The following AKAP9 variants were observed in gnomAD, a reference collection of about 807,000 sequenced individuals.
AKAP9 encodes A-kinase anchoring protein 9, also known as A-kinase anchor protein 9.
A neutral mutation model predicts 488.5 loss-of-function variants in AKAP9; 311 were observed. The ratio of observed to expected loss-of-function variants is 0.64; its 90% confidence interval spans 0.58 to 0.70. AKAP9 has a LOEUF of 0.70. AKAP9 is among the 30% of genes least tolerant of loss of function. The pLI is 0.00. For missense variants in AKAP9, 4,215 were observed against 4,374.5 expected (o/e 0.96, Z 1.03); for synonymous variants, 1,462 against 1,483.5 (o/e 0.99, Z 0.33).
intron 40 of AKAP9, among the ~76,000 whole-genome samples, chr7:92,096,453 G>C (rs1816597077): frequency 6.6e-6 from 1 of 151,264 alleles, no homozygotes; most frequent in Non-Finnish European, 1.5e-5. Context: ...GCCTGCCTCA[G>C]CCTCCCAAGT....
At chr7:91,990,786 C>A (rs1797654027) in intron 3 of AKAP9, among the ~76,000 whole-genome samples, 1 of 152,144 alleles carries the variant, frequency 6.6e-6, no homozygotes. Flanking sequence ...TGCTTTGTAT[C>A]ATATTTGAAG....
intron 1 of AKAP9, among the ~76,000 whole-genome samples, chr7:91,954,248 C>A (rs1226986400): frequency 6.6e-6 from 1 of 152,178 alleles, no homozygotes; most frequent in Non-Finnish European, 1.5e-5. Flanking sequence ...GTCTCCAAAT[C>A]TGTTCTATCC....
intron 3 of AKAP9, among the ~76,000 whole-genome samples, chr7:91,989,082 C>T (rs1797458921): frequency 6.6e-6 from 1 of 152,080 alleles, no homozygotes; most frequent in Non-Finnish European, 1.5e-5. Context: ...TTGCTCATCA[C>T]TAGAAATACA....
At chr7:91,943,579 G>A (rs562826717) in intron 1 of AKAP9, among the ~76,000 whole-genome samples, 4 of 152,228 alleles carry the variant, frequency 2.6e-5, no homozygotes, top group African/African-American at 9.6e-5. Flanking sequence ...GGATTTGGGG[G>A]ATATTCTTCC....
chr7:92,008,647 C>T (rs747621856), intron 8 of AKAP9, among the ~76,000 whole-genome samples: 1 of 151,722 alleles, frequency 6.6e-6, no homozygotes, highest in African/African-American at 2.4e-5. Flanking sequence ...AAGATCGCAT[C>T]ACTGCACTCC....
chr7:92,066,683 T>A, intron 26 of AKAP9, 137 bp downstream of exon 26: 1 of 1,126,860 alleles, frequency 8.9e-7, no homozygotes. Context: ...TAATATTACT[T>A]AAGCATGAGA....
chr7:92,019,566 G>T (rs1184626524), intron 12 of AKAP9, among the ~76,000 whole-genome samples: 1 of 151,774 alleles, frequency 6.6e-6, no homozygotes, highest in Non-Finnish European at 1.5e-5. Context: ...GAAGTCACTA[G>T]ACTGAAGAAA....
intron 7 of AKAP9, 25 bp from the exon 8 acceptor site, chr7:92,000,823 T>TA: frequency 8.1e-7 from 1 of 1,236,152 alleles, no homozygotes; most frequent in Non-Finnish European, 1.1e-6. Flanking sequence ...ATGCCATTCT[T>TA]ACATTTTCAT....
At chr7:91,992,128 A>G in intron 3 of AKAP9, 30 bp from the exon 4 acceptor site, 6 of 1,539,694 alleles carry the variant, frequency 3.9e-6, no homozygotes, top group African/African-American at 1.4e-5. Flanking sequence ...GTCTAAGATC[A>G]TAATATATCA....
intron 3 of AKAP9, among the ~76,000 whole-genome samples, chr7:91,990,364 A>T (rs1797604604): frequency 6.6e-6 from 1 of 152,116 alleles, no homozygotes; most frequent in South Asian, 2.1e-4. Context: ...ACTATTAATG[A>T]TCCTGATATT....
At chr7:92,043,201 T>C in intron 20 of AKAP9, 1 of 272,938 alleles carries the variant, frequency 3.7e-6, no homozygotes, top group Non-Finnish European at 5.7e-6. Context: ...AAATTAAAAC[T>C]AATATTTACT....
In AKAP9 at chr7:92,061,338, A is replaced by G. The variant is rs137971303; in HGVS notation, c.5680A>G (p.Lys1894Glu). The G allele has an allele frequency of 5.5e-5, 88 of 1,613,098 alleles. No individual in the cohort carries two copies. Among genetic ancestry groups the G allele is most frequent in the Non-Finnish European group, 7.3e-5 (86 of 1,179,530 alleles). ...RQKQEATESL[K>E]CQEELRERLH... ...GAAACAAGAAGCAACAGAGTCCCTT[A>G]AGTGCCAAGAGGAACTTCGAGAGCG... The change falls in exon 23 of 50, where the codon AAG (lysine) becomes GAG (glutamate). Residue 1894 changes from lysine (K) to glutamate (E), a missense_variant. Physicochemically the swap from Lys to Glu is moderately conservative, Grantham distance 56. Coordinates refer to ENST00000356239, the MANE Select transcript of AKAP9 (RefSeq NM_005751.5).
rs1465599448 is a variant in AKAP9 at position 92,014,318 on chromosome 7, A to C, written c.3602A>C (p.Tyr1201Ser). ...LQKAVSEECS[Y>S]FLQTLCSVLG... ...AAGGCAGTGTCTGAAGAATGTTCTT[A>C]TTTTTTACAGGTAAAATGTTTAAAA... Residue 1201 changes from tyrosine to serine, a missense_variant, in exon 10 of 50, where the codon TAT becomes TCT. Physicochemically the swap from Tyr to Ser is moderately radical, Grantham distance 144 (BLOSUM62 -2). Transcript: ENST00000356239. 1 of 1,610,308 alleles carries C rather than the reference A, an allele frequency of 6.2e-7. No individual in the cohort carries two copies. Among genetic ancestry groups the C allele is most frequent in the South Asian group, 1.1e-5 (1 of 90,878 alleles).
At chr7:91,952,134 G>C (rs771535741) in intron 1 of AKAP9, among the ~76,000 whole-genome samples, 7 of 151,870 alleles carry the variant, frequency 4.6e-5, no homozygotes, top group Admixed American at 4.6e-4. Flanking sequence ...GTATTTACTC[G>C]AGCCTCTACT....
In AKAP9 at chr7:92,022,438, G is replaced by A. The variant is rs946554467; in HGVS notation, c.3952+86G>A. On this transcript the variant is annotated intron_variant, in intron 13 of 49. Transcript: ENST00000356239. ...TTTTTACTTTAAAATGTGAGCTAAC[G>A]TAGTGACCTTTGGCATTTCACTGTA... 7.0e-5 allele frequency: 66 copies of A among 936,968 alleles called. No homozygotes were observed. In the African/African-American group the frequency reaches 8.1e-4, roughly 11 times the overall value. 58.0% of individuals were successfully genotyped at this position (936,968 alleles called of 1,614,324 possible). A position where few individuals can be genotyped will look rare whatever the true frequency, so the allele number is the denominator to read the frequency against.
chr7:92,001,846 T>G lies in AKAP9; in HGVS notation c.1929T>G (p.Asp643Glu). ...HEEELSKLKE[D>E]LEIEHRINIE... Reference sequence around the variant, plus strand: ...AAGAGCTTTCCAAACTGAAGGAAGATTTAGAAATTGAACATCGAATAAATA... The same window carrying G: ...AAGAGCTTTCCAAACTGAAGGAAGAGTTAGAAATTGAACATCGAATAAATA... Residue 643 changes from aspartate to glutamate, a missense_variant, in exon 8 of 50, where the codon GAT becomes GAG. This residue lies in a region of AKAP9 where 2,361 missense variants were observed against 2,430.0 expected (regional missense o/e 0.97). Transcript: ENST00000356239. The G allele has an allele frequency of 6.2e-7, 1 of 1,613,382 alleles. No individual in the cohort carries two copies. The highest frequency in any genetic ancestry group is 8.5e-7 in the Non-Finnish European group (1 of 1,179,524).
chr7:92,038,131 A>T (rs1189188002), intron 16 of AKAP9, among the ~76,000 whole-genome samples: 1 of 152,198 alleles, frequency 6.6e-6, no homozygotes, highest in African/African-American at 2.4e-5. Flanking sequence ...AGAGAGAAAT[A>T]TAAGGGCTTT....
chr7:92,008,055 G>A (rs183687328), intron 8 of AKAP9, among the ~76,000 whole-genome samples: 1 of 152,144 alleles, frequency 6.6e-6, no homozygotes, highest in African/African-American at 2.4e-5. Context: ...AGTTTTCAAG[G>A]ATTTTGAAAG....
At chr7:92,042,997 A>G (rs959852011) in intron 20 of AKAP9, 2 of 352,742 alleles carry the variant, frequency 5.7e-6, no homozygotes, top group Non-Finnish European at 1.1e-5. Context: ...ATAAATTTTG[A>G]TTGGATATTA....
Sources: gnomAD v4.1 joint callset for allele counts (sites outside exome capture counted in the v4.1 genomes callset) on GRCh38, gnomAD v4.1.1 for gene constraint, gnomAD v4.1.1 regional missense constraint, MANE v1.5 for transcripts, NCBI Gene and HGNC (gene_info 2026-07-23, HGNC 2026-07-21) for gene names.